Variants in PRKACB observed in about 807,000 individuals in gnomAD.
PRKACB encodes cAMP-dependent protein kinase catalytic subunit beta.
A neutral mutation model predicts 51.4 loss-of-function variants in PRKACB; 16 were observed. The observed-to-expected ratio is 0.31, with a 90% CI of 0.21 to 0.47. PRKACB has a LOEUF of 0.47. Among genes scored for constraint, PRKACB ranks in the 20% least tolerant of loss-of-function variants. The pLI, the probability that PRKACB is intolerant of heterozygous loss-of-function variation, is 1.00. For synonymous variants in PRKACB, 147 were observed against 154.4 expected, an observed-to-expected ratio of 0.95 and a Z score of 0.35; for missense variants, 309 against 464.5, an observed-to-expected ratio of 0.67 and a Z score of 3.08.
intron 1 of PRKACB, among the ~76,000 whole-genome samples, chr1:84,134,904 C>T (rs1458643306): frequency 6.6e-6 from 1 of 152,064 alleles, no homozygotes; most frequent in Non-Finnish European, 1.5e-5. Context: ...TATGTTGTTA[C>T]TATTGTTACT....
chr1:84,180,860 G>T (rs1435180805), intron 2 of PRKACB, among the ~76,000 whole-genome samples: 4 of 151,902 alleles, frequency 2.6e-5, no homozygotes, highest in Non-Finnish European at 5.9e-5. Context: ...AATGAAAAAA[G>T]CATAAAGAGC....
At position 84,088,022 on chromosome 1, in the gene PRKACB, G is replaced by GT. The variant is rs1275126153; in HGVS notation, c.46+9658dup. Among the ~76,000 whole-genome samples the GT allele has an allele frequency of 3.3e-5, 5 of 152,142 alleles. No individual in the cohort carries two copies. In the South Asian group the frequency reaches 1.0e-3, roughly 32 times the overall value. On this transcript the variant is annotated intron_variant, in intron 1 of 8. Coordinates refer to the PRKACB transcript ENST00000370688. ...TTGTAGGAAGTGGATTATAGGACGT[G>GT]TTTTTTTGTAATGTGAATTAGATTC...
chr1:84,202,867 T>A (rs899810009), intron 8 of PRKACB, 62 bp downstream of exon 8: 1 of 1,380,798 alleles, frequency 7.2e-7, no homozygotes, highest in African/African-American at 1.4e-5. Context: ...GCTTCATGAA[T>A]TGAAACTATA....
chr1:84,191,123 A>G (rs1254884183), intron 5 of PRKACB, among the ~76,000 whole-genome samples: 1 of 152,062 alleles, frequency 6.6e-6, no homozygotes, highest in Non-Finnish European at 1.5e-5. Context: ...TCTGTGGGCT[A>G]TGAGCTTAAG....
At chr1:84,195,575 G>C (rs1667974200) in intron 5 of PRKACB, among the ~76,000 whole-genome samples, 1 of 152,106 alleles carries the variant, frequency 6.6e-6, no homozygotes, top group Non-Finnish European at 1.5e-5. Context: ...GGATTTTTCA[G>C]ATTCTGACAT....
At chr1:84,094,384 A>C (rs1460879416) in intron 1 of PRKACB, among the ~76,000 whole-genome samples, 2 of 151,978 alleles carry the variant, frequency 1.3e-5, no homozygotes, top group African/African-American at 2.4e-5. Flanking sequence ...TTCTGGTTGC[A>C]ATATATTGTC....
At chr1:84,209,242 C>T (rs1671780538) in intron 8 of PRKACB, among the ~76,000 whole-genome samples, 1 of 152,114 alleles carries the variant, frequency 6.6e-6, no homozygotes, top group Admixed American at 6.6e-5. Context: ...ACTCATTTTT[C>T]CAGTCCATAC....
intron 2 of PRKACB, chr1:84,181,677 T>A: frequency 1.3e-6 from 2 of 1,519,070 alleles, no homozygotes; most frequent in South Asian, 2.5e-5. Context: ...TACTATCTAG[T>A]TCTATAAGCT....
chr1:84,202,833 C>CTT (rs771528165), intron 8 of PRKACB, 28 bp downstream of exon 8: 3 of 1,534,710 alleles, frequency 2.0e-6, no homozygotes, highest in Non-Finnish European at 2.7e-6. Flanking sequence ...TTATTCCTCT[C>CTT]TTATTACTGT....
intron 1 of PRKACB, among the ~76,000 whole-genome samples, chr1:84,124,067 T>C (rs1376199548): frequency 6.6e-6 from 1 of 152,162 alleles, no homozygotes; most frequent in Non-Finnish European, 1.5e-5. Flanking sequence ...AGCTATCTCA[T>C]AAAAAAGCTA....
At chr1:84,137,840 T>C (rs1220510005) in intron 1 of PRKACB, among the ~76,000 whole-genome samples, 1 of 152,092 alleles carries the variant, frequency 6.6e-6, no homozygotes, top group Admixed American at 6.6e-5. Context: ...TCTATTTGAG[T>C]AGGATTTACA....
chr1:84,158,714 T>A (rs1655819630), intron 1 of PRKACB, among the ~76,000 whole-genome samples: 1 of 152,162 alleles, frequency 6.6e-6, no homozygotes, highest in Non-Finnish European at 1.5e-5. Context: ...GATTGTACTT[T>A]TGGTACCAGA....
At chr1:84,148,054 G>T (rs911989649) in intron 1 of PRKACB, among the ~76,000 whole-genome samples, 1 of 152,096 alleles carries the variant, frequency 6.6e-6, no homozygotes, top group Non-Finnish European at 1.5e-5. Context: ...TACATCTTCC[G>T]TTTTTGCTGG....
intron 9 of PRKACB, among the ~76,000 whole-genome samples, chr1:84,215,002 A>G (rs1672688087): frequency 6.6e-6 from 1 of 152,252 alleles, no homozygotes; most frequent in African/African-American, 2.4e-5. Flanking sequence ...CAGAATTGGC[A>G]TGTGCCAGAT....
chr1:84,171,763 A>G (rs573081866), intron 1 of PRKACB, among the ~76,000 whole-genome samples: 10 of 151,794 alleles, frequency 6.6e-5, no homozygotes, highest in African/African-American at 1.9e-4. Context: ...GATTGGTTAC[A>G]TAGAAGACTC....
upstream of PRKACB, among the ~76,000 whole-genome samples, chr1:84,141,427 G>A (rs569301391): frequency 5.9e-5 from 9 of 151,958 alleles, no homozygotes; most frequent in African/African-American, 1.9e-4. Context: ...TCAAATATCC[G>A]AAGTACTTCT....
intron 1 of PRKACB, among the ~76,000 whole-genome samples, chr1:84,112,044 A>T (rs6673972): frequency 0.022 from 3,313 of 152,202 alleles, 126 homozygotes; most frequent in African/African-American, 0.075. Context: ...TATTATATTA[A>T]TAAGAAACCA....
At chr1:84,190,533 G>T (rs561012705) in intron 5 of PRKACB, among the ~76,000 whole-genome samples, 32 of 151,886 alleles carry the variant, frequency 2.1e-4, no homozygotes, top group South Asian at 8.3e-4. Flanking sequence ...CAATAACTCA[G>T]AAGATACACG....
intron 1 of PRKACB, among the ~76,000 whole-genome samples, chr1:84,148,192 T>C (rs754617712): frequency 6.6e-6 from 1 of 152,136 alleles, no homozygotes; most frequent in Non-Finnish European, 1.5e-5. Context: ...TTTCTTCACT[T>C]CTACCAGTGG....
Sources: allele counts gnomAD v4.1 joint callset (sites outside exome capture counted in the v4.1 genomes callset), GRCh38; gene constraint gnomAD v4.1.1; transcripts MANE v1.5; gene names NCBI Gene and HGNC (gene_info 2026-07-23, HGNC 2026-07-21).